Variants in MACROD2 observed in about 807,000 individuals in gnomAD.
MACROD2 encodes the protein mono-ADP ribosylhydrolase 2.
Under a neutral mutation model 70.4 loss-of-function variants are expected in MACROD2, and 36 were observed. The ratio of observed to expected loss-of-function variants is 0.51; its 90% CI spans 0.39 to 0.68. MACROD2 has a LOEUF of 0.68. Among genes scored for constraint, MACROD2 ranks in the 30% least tolerant of loss-of-function variants. The pLI, the probability that MACROD2 is intolerant of heterozygous loss-of-function variation, is 0.00. For synonymous variants in MACROD2, 172 were observed against 178.8 expected (o/e 0.96, Z 0.30); for missense variants, 496 against 538.4 (o/e 0.92, Z 0.78).
At chr20:15,344,565 T>C (rs2078144381) in intron 6 of MACROD2, among the ~76,000 whole-genome samples, 1 of 152,030 alleles carries the variant, frequency 6.6e-6, no homozygotes, top group Non-Finnish European at 1.5e-5. Flanking sequence ...ATAGAAACAA[T>C]TATTTTTTTT....
chr20:15,026,662 TTTA>T (rs889986412), intron 5 of MACROD2, among the ~76,000 whole-genome samples: 1 of 152,102 alleles, frequency 6.6e-6, no homozygotes, highest in Non-Finnish European at 1.5e-5. Flanking sequence ...ATGTATGTAT[TTTA>T]TTATTATTAT....
chr20:14,732,209 C>T (rs926975462), intron 5 of MACROD2, among the ~76,000 whole-genome samples: 16 of 152,038 alleles, frequency 1.1e-4, no homozygotes, highest in African/African-American at 3.4e-4. Flanking sequence ...CTGTGGCTGG[C>T]GTCATTTTGT....
At chr20:15,139,132 A>G (rs1387960703) in intron 5 of MACROD2, among the ~76,000 whole-genome samples, 2 of 152,180 alleles carry the variant, frequency 1.3e-5, no homozygotes, top group African/African-American at 2.4e-5. Context: ...GCCCCTGTGA[A>G]TATCATCTGC....
At chr20:14,164,105 A>G (rs2055230469) in intron 3 of MACROD2, among the ~76,000 whole-genome samples, 1 of 151,298 alleles carries the variant, frequency 6.6e-6, no homozygotes, top group Admixed American at 6.6e-5. Flanking sequence ...TATAGGGGAG[A>G]ACTTTTTTTT....
rs1011676554 is a variant in MACROD2, at chr20:14,310,864, A to AT, written c.272-182606dup. Among the ~76,000 whole-genome samples the AT allele has an allele frequency of 1.5e-4, 23 of 151,676 alleles. No homozygotes were observed. The East Asian group carries it at 3.5e-3, about 23-fold the overall frequency. Reference sequence around the variant, plus strand: ...TTTAAAAAGTAAAAGAAATGAGTTAATTTTTTTTTAAATAGAAAAAAACTT... The same window carrying AT: ...TTTAAAAAGTAAAAGAAATGAGTTAATTTTTTTTTTAAATAGAAAAAAACTT... On this transcript the variant is annotated intron_variant, in intron 3 of 17. Coordinates refer to ENST00000684519, the MANE Select transcript of MACROD2 (RefSeq NM_001351661.2).
intron 2 of MACROD2, among the ~76,000 whole-genome samples, chr20:14,071,269 T>TTTTA (rs1372284484): frequency 1.5e-5 from 2 of 134,190 alleles, no homozygotes; most frequent in Non-Finnish European, 3.2e-5. Flanking sequence ...TTTTTTTTTT[T>TTTTA]TTTTTTTTTG....
At chr20:14,803,533 T>C (rs575808307) in intron 5 of MACROD2, among the ~76,000 whole-genome samples, 1 of 151,976 alleles carries the variant, frequency 6.6e-6, no homozygotes, top group African/African-American at 2.4e-5. Context: ...CAGGCTGGAG[T>C]TCAATGGTGC....
At chr20:14,559,668 A>T (rs1192686999) in intron 4 of MACROD2, among the ~76,000 whole-genome samples, 1 of 151,824 alleles carries the variant, frequency 6.6e-6, no homozygotes, top group African/African-American at 2.4e-5. Context: ...TATGTTCTGT[A>T]ACTATAATTC....
intron 3 of MACROD2, among the ~76,000 whole-genome samples, chr20:14,281,805 T>C (rs1053242006): frequency 6.6e-6 from 1 of 151,296 alleles, no homozygotes; most frequent in African/African-American, 2.4e-5. Context: ...CGCGGTGATG[T>C]GTGCTTGTAA....
chr20:14,493,371 T>A (rs964243680), intron 3 of MACROD2, 108 bp from the exon 4 acceptor site: 3 of 799,572 alleles, frequency 3.8e-6, no homozygotes, highest in African/African-American at 3.5e-5. Context: ...TGTTTATGTA[T>A]GTATATGAGA....
At position 15,132,043 on chromosome 20, in the gene MACROD2, A is replaced by G. The variant is rs187262085; in HGVS notation, c.419-97897A>G. Among the ~76,000 whole-genome samples the G allele has an allele frequency of 9.3e-4, 141 of 152,152 alleles. 1 individual carries two copies. Among genetic ancestry groups the G allele is most frequent in the Non-Finnish European group, 7.5e-4 (51 of 67,908 alleles). ...AGTGAACAATAAGGTAAACAGTTAAATGCTAACAAAAATAAAACTAAAATT... is the reference window on the plus strand; with the variant it reads ...AGTGAACAATAAGGTAAACAGTTAAGTGCTAACAAAAATAAAACTAAAATT... On this transcript the variant is annotated intron_variant, in intron 5 of 17. Coordinates refer to ENST00000684519, the MANE Select transcript of MACROD2 (RefSeq NM_001351661.2).
Position 14,788,554 on chromosome 20 carries a change from G to A in MACROD2, c.418+103595G>A, listed in dbSNP as rs563654880. Among the ~76,000 whole-genome samples the A allele has an allele frequency of 4.3e-5, 6 of 140,484 alleles. No homozygotes were observed. The South Asian group carries it at 8.9e-4, about 21-fold the overall frequency. 92.2% of individuals were successfully genotyped at this position (140,484 alleles called of 152,430 possible). On this transcript the variant is annotated intron_variant, in intron 5 of 17. Coordinates refer to ENST00000684519, the MANE Select transcript of MACROD2 (RefSeq NM_001351661.2). ...TGAGCCGAGATGTAGCCTCCAGCCT[G>A]GGGCAACCAAAGTGAGATCACATCT... is the stretch of plus-strand genomic sequence containing the variant.
intron 8 of MACROD2, among the ~76,000 whole-genome samples, chr20:15,585,292 G>T (rs2048583192): frequency 6.6e-6 from 1 of 151,732 alleles, no homozygotes; most frequent in Non-Finnish European, 1.5e-5. Context: ...CCGCCTCCTG[G>T]GTTCAAGCAA....
At chr20:15,534,531 A>G (rs186265482) in intron 8 of MACROD2, among the ~76,000 whole-genome samples, 3 of 152,332 alleles carry the variant, frequency 2.0e-5, no homozygotes, top group South Asian at 2.1e-4. Flanking sequence ...TTGACTGAAC[A>G]AAAGTAATTT....
intron 6 of MACROD2, among the ~76,000 whole-genome samples, chr20:15,421,261 C>A (rs1321567036): frequency 6.6e-6 from 1 of 151,894 alleles, no homozygotes; most frequent in African/African-American, 2.4e-5. Context: ...ACCTGTAGTC[C>A]CAGCTATTCA....
At chr20:15,638,695 A>G (rs2049407530) in intron 8 of MACROD2, among the ~76,000 whole-genome samples, 1 of 152,224 alleles carries the variant, frequency 6.6e-6, no homozygotes, top group African/African-American at 2.4e-5. Flanking sequence ...TTGAATTCAT[A>G]TGATAGTAGA....
At chr20:15,672,732 C>A (rs2049998407) in intron 8 of MACROD2, among the ~76,000 whole-genome samples, 1 of 152,136 alleles carries the variant, frequency 6.6e-6, no homozygotes, top group South Asian at 2.1e-4. Flanking sequence ...CCCTTTCCTG[C>A]TGATTATAAC....
At chr20:14,939,228 T>C (rs1329141091) in intron 5 of MACROD2, among the ~76,000 whole-genome samples, 2 of 152,120 alleles carry the variant, frequency 1.3e-5, no homozygotes, top group East Asian at 3.9e-4. Context: ...TAGTTTCAGG[T>C]CTTATATTTA....
chr20:14,379,639 A>G (rs1290399406), intron 3 of MACROD2, among the ~76,000 whole-genome samples: 1 of 152,030 alleles, frequency 6.6e-6, no homozygotes, highest in African/African-American at 2.4e-5. Context: ...GCCCCTGGTA[A>G]TCTCTAATCT....
Sources: allele counts gnomAD v4.1 joint callset (sites outside exome capture counted in the v4.1 genomes callset), GRCh38; gene constraint gnomAD v4.1.1; transcripts MANE v1.5; gene names NCBI Gene and HGNC (gene_info 2026-07-23, HGNC 2026-07-21).